Variants in MAGEL2 observed in about 807,000 individuals in gnomAD.
MAGEL2 encodes the protein MAGE-like protein 2.
For missense variants in MAGEL2, 1,830 were observed against 1,699.2 expected (o/e 1.08, Z -1.35); for synonymous variants, 792 against 721.7 (o/e 1.10, Z -1.56).
rs1170740875 is a variant in MAGEL2 at position 23,647,520 on chromosome 15, G to GGGC, written c.220_222dup (p.Ala74dup). The GGGC allele has an allele frequency of 5.2e-6, 8 of 1,531,312 alleles. No individual in the cohort carries two copies. The highest frequency in any genetic ancestry group is 7.0e-6 in the Non-Finnish European group (8 of 1,144,784). 94.9% of individuals were successfully genotyped at this position (1,531,312 alleles called of 1,614,324 possible). A position where few individuals can be genotyped will look rare whatever the true frequency, so the allele number is the denominator to read the frequency against. ...GGAGGCTGGGTCATCGGAACCACCGGGGCGGGCAGCTGGCCCTGTGGGGCC... is the reference window on the plus strand; with the variant it reads ...GGAGGCTGGGTCATCGGAACCACCGGGGCGGCGGGCAGCTGGCCCTGTGGGGCC... On this transcript the variant is annotated inframe_insertion, in exon 1 of 1. Coordinates refer to ENST00000650528, the MANE Select transcript of MAGEL2 (RefSeq NM_019066.5).
chr15:23,646,212 G>T lies in MAGEL2; in HGVS notation c.1531C>A (p.Pro511Thr). ...GGTGGCAGGGCCTGCCAGAGCGGTG[G>T]CTGGGTGGCCAGGACCTGTGGGGCA... The part of the protein sequence containing the change: ...RPAPQVLATQ[P>T]PLWQALPPPP... Residue 511 changes from proline (P) to threonine (T), a missense_variant, in exon 1 of 1, where the codon CCA becomes ACA. Pro to Thr is a conservative substitution (Grantham distance 38). Coordinates refer to ENST00000650528, the MANE Select transcript of MAGEL2 (RefSeq NM_019066.5). The surrounding 1 kb of genome is among the most constrained non-coding windows in gnomAD (Gnocchi z 4.2). 1 of 1,342,068 alleles carries T rather than the reference G, an allele frequency of 7.5e-7. No homozygotes were observed. The highest frequency in any genetic ancestry group is 3.1e-5 in the East Asian group (1 of 32,268). The allele number at this position is 1,342,068 out of a possible 1,614,324, so 83.1% of individuals were successfully genotyped here.
In MAGEL2 at chr15:23,644,754, C is replaced by A. The variant is rs558186319; in HGVS notation, c.2989G>T (p.Ala997Ser). ...SSLPVVVSEVASVSPGSSATQ... is the reference protein window; with the variant it reads ...SSLPVVVSEVSSVSPGSSATQ... The stretch of plus-strand genomic sequence containing the variant: ...GCACTGGATCCCGGAGAGACACTTG[C>A]GACCTCAGACACAACTACGGGCAGA... The change falls in exon 1 of 1, where the codon GCA (alanine) becomes TCA (serine). Residue 997 changes from alanine to serine, a missense_variant. Coordinates refer to ENST00000650528, the MANE Select transcript of MAGEL2 (RefSeq NM_019066.5). 1 of 1,613,646 alleles carries A rather than the reference C, an allele frequency of 6.2e-7. No individual in the cohort carries two copies. The highest frequency in any genetic ancestry group is 8.5e-7 in the Non-Finnish European group (1 of 1,179,880).
At position 23,645,444 on chromosome 15, in the gene MAGEL2, C is replaced by T. The variant is rs1890375001; in HGVS notation, c.2299G>A (p.Ala767Thr). 3 of 1,613,826 alleles carry T rather than the reference C, an allele frequency of 1.9e-6. No homozygotes were observed. Among genetic ancestry groups the T allele is most frequent in the Admixed American group, 3.3e-5 (2 of 60,014 alleles). The change falls in exon 1 of 1, where the codon GCA becomes ACA. Residue 767 changes from alanine to threonine, a missense_variant. Ala to Thr is a moderately conservative substitution (Grantham distance 58). Transcript: ENST00000650528. ...CAPKAVSAAR[A>T]HLPAAWKNLP... ...TTTTTCCAGGCAGCTGGCAGGTGTG[C>T]TCGCGCAGCTGACACTGCCTTGGGA...
chr15:23,646,372 C>G lies in MAGEL2; in HGVS notation c.1371G>C (p.Val457=). 7.3e-7 allele frequency: 1 copy of G among 1,377,196 alleles called. No individual in the cohort carries two copies. The highest frequency in any genetic ancestry group is 9.3e-7 in the Non-Finnish European group (1 of 1,076,828). 85.3% of individuals were successfully genotyped at this position (1,377,196 alleles called of 1,614,324 possible). ...GGATCACAGCGGGGGCCTGGCGGAT[C>G]ACGGGTGGGGCCTGGCGGATCACGG... ...APPVIRQAPP[V]IRQAPAVIRQ... is the part of the protein sequence containing the mutation. Residue 457 remains valine, a synonymous_variant, in exon 1 of 1, where the codon GTG becomes GTC. Transcript: ENST00000650528. The surrounding 1 kb of genome is among the most constrained non-coding windows in gnomAD (Gnocchi z 4.2).
chr15:23,646,542 C>A lies in MAGEL2; in HGVS notation c.1201G>T (p.Val401Phe). The change falls in exon 1 of 1, where the codon GTT becomes TTT. Residue 401 changes from valine to phenylalanine, a missense_variant. Physicochemically the swap from Val to Phe is conservative, Grantham distance 50. Transcript: ENST00000650528. The surrounding 1 kb of genome is among the most constrained non-coding windows in gnomAD (Gnocchi z 4.2). ...ATGGGCGGCGGCACCTGCCAGGTAACGGCTGGTGCCTGCCAGGTGACCTGC... is the reference window on the plus strand; with the variant it reads ...ATGGGCGGCGGCACCTGCCAGGTAAAGGCTGGTGCCTGCCAGGTGACCTGC... ...TTQVTWQAPA[V>F]TWQVPPPMRQ... The A allele has an allele frequency of 2.0e-6, 3 of 1,474,490 alleles. No homozygotes were observed. The highest frequency in any genetic ancestry group is 1.8e-6 in the Non-Finnish European group (2 of 1,119,140). The allele number at this position is 1,474,490 out of a possible 1,614,324, so 91.3% of individuals were successfully genotyped here.
rs1046921772 is a variant in MAGEL2 at position 23,647,450 on chromosome 15, G to A, written c.293C>T (p.Pro98Leu). Residue 98 changes from proline (P) to leucine (L), a missense_variant, in exon 1 of 1, where the codon CCG becomes CTG. Pro to Leu is a moderately conservative substitution (Grantham distance 98). Transcript: ENST00000650528. Reference protein sequence around the residue: ...PIVPAPPLGGPMGKPPTPGVL... With the variant: ...PIVPAPPLGGLMGKPPTPGVL... ...CCCGGGAGTCGGAGGCTTACCCATC[G>A]GGCCCCCCAGCGGGGGAGCCGGGAC... The A allele has an allele frequency of 1.3e-6, 2 of 1,535,154 alleles. No homozygotes were observed. Among genetic ancestry groups the A allele is most frequent in the Non-Finnish European group, 8.7e-7 (1 of 1,146,430 alleles).
At position 23,645,227 on chromosome 15, in the gene MAGEL2, T is replaced by C; in HGVS notation, c.2516A>G (p.Gln839Arg). The change falls in exon 1 of 1, where the codon CAG becomes CGG. Residue 839 changes from glutamine to arginine, a missense_variant. By Grantham distance (43) the Gln-to-Arg change is conservative (BLOSUM62 1). Coordinates refer to ENST00000650528, the MANE Select transcript of MAGEL2 (RefSeq NM_019066.5). Reference protein sequence around the residue: ...EALPAVPWVPQPNMNASKASQ... With the variant: ...EALPAVPWVPRPNMNASKASQ... ...TGCCTTTGAGGCATTCATATTGGGCTGTGGGACCCATGGAACTGCAGGCAG... is the reference window on the plus strand; with the variant it reads ...TGCCTTTGAGGCATTCATATTGGGCCGTGGGACCCATGGAACTGCAGGCAG... 6.2e-7 allele frequency: 1 copy of C among 1,613,916 alleles called. No homozygotes were observed. The highest frequency in any genetic ancestry group is 8.5e-7 in the Non-Finnish European group (1 of 1,179,896).
rs1250752332 is a variant in MAGEL2, at chr15:23,647,705, G to GGT, written c.37_38insAC (p.Pro13HisfsTer18). ...AGGCGGCTTCGGGGCCTCCGCCGGAGGACTCGAGTCACCCAGATTCTTACT... is the reference window on the plus strand; with the variant it reads ...AGGCGGCTTCGGGGCCTCCGCCGGAGGTGACTCGAGTCACCCAGATTCTTACT... On this transcript the variant is annotated frameshift_variant, in exon 1 of 1. Coordinates refer to ENST00000650528, the MANE Select transcript of MAGEL2 (RefSeq NM_019066.5). LOFTEE classifies it low-confidence loss of function (END_TRUNC). 2 of 1,484,088 alleles carry GGT rather than the reference G, an allele frequency of 1.3e-6. No individual in the cohort carries two copies. Among genetic ancestry groups the GGT allele is most frequent in the Non-Finnish European group, 1.8e-6 (2 of 1,124,226 alleles). 91.9% of individuals were successfully genotyped at this position (1,484,088 alleles called of 1,614,324 possible). A position where few individuals can be genotyped will look rare whatever the true frequency, so the allele number is the denominator to read the frequency against.
chr15:23,647,698 C>A lies in MAGEL2; in HGVS notation c.45G>T (p.Ala15=). The A allele has an allele frequency of 6.7e-7, 1 of 1,489,952 alleles. No individual in the cohort carries two copies. The highest frequency in any genetic ancestry group is 8.9e-7 in the Non-Finnish European group (1 of 1,126,870). The allele number at this position is 1,489,952 out of a possible 1,614,324, so 92.3% of individuals were successfully genotyped here. A position where few individuals can be genotyped will look rare whatever the true frequency, so the allele number is the denominator to read the frequency against. ...TATAGACAGGCGGCTTCGGGGCCTC[C>A]GCCGGAGGACTCGAGTCACCCAGAT... ...SKNLGDSSPP[A]EAPKPPVYSR... The change falls in exon 1 of 1, where the codon GCG becomes GCT. Residue 15 remains alanine (A), a synonymous_variant. Transcript: ENST00000650528.
In MAGEL2 at chr15:23,644,270, G is replaced by T. The variant is rs903212062; in HGVS notation, c.3473C>A (p.Thr1158Asn). 33 of 1,613,542 alleles carry T rather than the reference G, an allele frequency of 2.0e-5. No individual in the cohort carries two copies. Among genetic ancestry groups the T allele is most frequent in the Non-Finnish European group, 2.7e-5 (32 of 1,179,886 alleles). Residue 1158 changes from threonine to asparagine, a missense_variant, in exon 1 of 1, where the codon ACC (threonine) becomes AAC (asparagine). Thr to Asn is a moderately conservative substitution (Grantham distance 65). Coordinates refer to ENST00000650528, the MANE Select transcript of MAGEL2 (RefSeq NM_019066.5). ...GLFGNTKKLI[T>N]EVFVRQKYLE... The stretch of plus-strand genomic sequence containing the variant: ...GTACTTCTGCCTGACAAACACTTCG[G>T]TGATGAGCTTCTTAGTATTTCCAAA...
rs761204158 is a variant in MAGEL2 at position 23,645,938 on chromosome 15, G to T, written c.1805C>A (p.Thr602Lys). ...CTGCACCTCCTGGAATTCCATTGACGTTGGAATCTCGTGTGGCACCGGGGG... is the reference window on the plus strand; with the variant it reads ...CTGCACCTCCTGGAATTCCATTGACTTTGGAATCTCGTGTGGCACCGGGGG... Reference protein sequence around the residue: ...GQPPVPHEIPTSMEFQEVQQT... With the variant: ...GQPPVPHEIPKSMEFQEVQQT... The change falls in exon 1 of 1, where the codon ACG becomes AAG. Residue 602 changes from threonine (T) to lysine (K), a missense_variant. Coordinates refer to ENST00000650528, the MANE Select transcript of MAGEL2 (RefSeq NM_019066.5). 6.4e-7 allele frequency: 1 copy of T among 1,570,260 alleles called. No homozygotes were observed. Among genetic ancestry groups the T allele is most frequent in the Admixed American group, 1.9e-5 (1 of 53,614 alleles).
rs1025538343 is a variant in MAGEL2 at position 23,647,069 on chromosome 15, G to A, written c.674C>T (p.Pro225Leu). Residue 225 changes from proline (P) to leucine (L), a missense_variant, in exon 1 of 1, where the codon CCG (proline) becomes CTG (leucine). Physicochemically the swap from Pro to Leu is moderately conservative, Grantham distance 98 (BLOSUM62 -3). Coordinates refer to ENST00000650528, the MANE Select transcript of MAGEL2 (RefSeq NM_019066.5). ...TGGAGGCTGGGCCATCGGTGTACCC[G>A]GAGGGGGAGGATGAGCCATCGGTGT... is the stretch of plus-strand genomic sequence containing the variant. Reference protein sequence around the residue: ...PGTPMAHPPPPGTPMAQPPAP... With the variant: ...PGTPMAHPPPLGTPMAQPPAP... 6.5e-7 allele frequency: 1 copy of A among 1,535,552 alleles called. No individual in the cohort carries two copies. The highest frequency in any genetic ancestry group is 8.7e-7 in the Non-Finnish European group (1 of 1,146,172).
At position 23,647,471 on chromosome 15, in the gene MAGEL2, G is replaced by T; in HGVS notation, c.272C>A (p.Pro91Gln). Residue 91 changes from proline to glutamine, a missense_variant, in exon 1 of 1, where the codon CCG (proline) becomes CAG (glutamine). Transcript: ENST00000650528. ...CATCGGGCCCCCCAGCGGGGGAGCC[G>T]GGACTATCGGGCCCCCTAGGGCAGG... ...QPPALGGPIV[P>Q]APPLGGPMGK... 1 of 1,533,562 alleles carries T rather than the reference G, an allele frequency of 6.5e-7. No homozygotes were observed. The highest frequency in any genetic ancestry group is 8.7e-7 in the Non-Finnish European group (1 of 1,145,754). 95.0% of individuals were successfully genotyped at this position (1,533,562 alleles called of 1,614,324 possible). A position where few individuals can be genotyped will look rare whatever the true frequency, so the allele number is the denominator to read the frequency against.
At position 23,645,801 on chromosome 15, in the gene MAGEL2, G is replaced by A. The variant is rs866333931; in HGVS notation, c.1942C>T (p.Pro648Ser). 9 of 1,590,070 alleles carry A rather than the reference G, an allele frequency of 5.7e-6. No individual in the cohort carries two copies. The Admixed American group carries it at 8.9e-5, about 16-fold the overall frequency. ...TGGGAGGGCGGGGCTCCCTGAAAGG[G>A]CTGCTCCAGCTGGACCAAGGGGGGA... Reference protein sequence around the residue: ...QAPPLVQLEQPFQGAPPSQKA... With the variant: ...QAPPLVQLEQSFQGAPPSQKA... The change falls in exon 1 of 1, where the codon CCC becomes TCC. Residue 648 changes from proline to serine, a missense_variant. By Grantham distance (74) the Pro-to-Ser change is moderately conservative (BLOSUM62 -1). Coordinates refer to ENST00000650528, the MANE Select transcript of MAGEL2 (RefSeq NM_019066.5).
rs1890407893 is a variant in MAGEL2 at position 23,646,469 on chromosome 15, G to A, written c.1274C>T (p.Pro425Leu). 1 of 1,438,580 alleles carries A rather than the reference G, an allele frequency of 7.0e-7. No homozygotes were observed. Among genetic ancestry groups the A allele is most frequent in the African/African-American group, 1.4e-5 (1 of 68,968 alleles). The allele number at this position is 1,438,580 out of a possible 1,614,324, so 89.1% of individuals were successfully genotyped here. Reference sequence around the variant, plus strand: ...GGCCTGTCGCACCGGTGGTGGGCCAGGGCGGATGGGTGGTGGGCCAGGGCG... The same window carrying A: ...GGCCTGTCGCACCGGTGGTGGGCCAAGGCGGATGGGTGGTGGGCCAGGGCG... Reference protein sequence around the residue: ...PIRPGPPPIRPGPPPVRQAPP... With the variant: ...PIRPGPPPIRLGPPPVRQAPP... Residue 425 changes from proline to leucine, a missense_variant, in exon 1 of 1, where the codon CCT becomes CTT. By Grantham distance (98) the Pro-to-Leu change is moderately conservative. Transcript: ENST00000650528. The surrounding 1 kb of genome is among the most constrained non-coding windows in gnomAD (Gnocchi z 4.2).
rs1409658438 is a variant in MAGEL2 at position 23,647,062 on chromosome 15, T to G, written c.681A>C (p.Thr227=). Residue 227 remains threonine, a synonymous_variant, in exon 1 of 1, where the codon ACA becomes ACC. Transcript: ENST00000650528. ...CCGGAGCTGGAGGCTGGGCCATCGG[T>G]GTACCCGGAGGGGGAGGATGAGCCA... The part of the protein sequence containing the change: ...TPMAHPPPPG[T]PMAQPPAPGV... The G allele has an allele frequency of 1.3e-6, 2 of 1,522,598 alleles. No homozygotes were observed. Among genetic ancestry groups the G allele is most frequent in the Non-Finnish European group, 8.8e-7 (1 of 1,141,482 alleles). The allele number at this position is 1,522,598 out of a possible 1,614,324, so 94.3% of individuals were successfully genotyped here.
Position 23,645,718 on chromosome 15 carries a change from C to T in MAGEL2, c.2025G>A (p.Ala675=), listed in dbSNP as rs1180033347. ...GCTGGAGCGGCAGTGTGGGCACCTCCGCTTGCGGACCCGATGCCTGGGCCT... is the reference window on the plus strand; with the variant it reads ...GCTGGAGCGGCAGTGTGGGCACCTCTGCTTGCGGACCCGATGCCTGGGCCT... ...PQQAQASGPQ[A]EVPTLPLQPS... Residue 675 remains alanine, a synonymous_variant, in exon 1 of 1, where the codon GCG becomes GCA. Coordinates refer to ENST00000650528, the MANE Select transcript of MAGEL2 (RefSeq NM_019066.5). The T allele has an allele frequency of 3.8e-6, 6 of 1,561,328 alleles. No individual in the cohort carries two copies. The East Asian group carries it at 6.8e-5, about 18-fold the overall frequency.
In MAGEL2 at chr15:23,643,814, C is replaced by T. The variant is rs867874000; in HGVS notation, c.*179G>A. Reference sequence around the variant, plus strand: ...CCAAAATACAGAACAGAACAGTAGCCGATTGAAATCAACACCACATAAAAA... The same window carrying T: ...CCAAAATACAGAACAGAACAGTAGCTGATTGAAATCAACACCACATAAAAA... On this transcript the variant is annotated 3_prime_UTR_variant, in exon 1 of 1. Transcript: ENST00000650528. 19 of 606,546 alleles carry T rather than the reference C, an allele frequency of 3.1e-5. No homozygotes were observed. Among genetic ancestry groups the T allele is most frequent in the South Asian group, 1.2e-4 (4 of 32,152 alleles). The allele number at this position is 606,546 out of a possible 1,614,324, so 37.6% of individuals were successfully genotyped here.
In MAGEL2 at chr15:23,643,897, G is replaced by C; in HGVS notation, c.*96C>G. Reference sequence around the variant, plus strand: ...TTGAAAATCCAAACGTACACTCGTGGAACTGGAACACAAACACCAGGAACA... The same window carrying C: ...TTGAAAATCCAAACGTACACTCGTGCAACTGGAACACAAACACCAGGAACA... On this transcript the variant is annotated 3_prime_UTR_variant, in exon 1 of 1. Transcript: ENST00000650528. 7.4e-7 allele frequency: 1 copy of C among 1,345,070 alleles called. No individual in the cohort carries two copies. The allele number at this position is 1,345,070 out of a possible 1,614,324, so 83.3% of individuals were successfully genotyped here. A position where few individuals can be genotyped will look rare whatever the true frequency, so the allele number is the denominator to read the frequency against.
Sources: gnomAD v4.1 joint callset for allele counts on GRCh38, gnomAD v4.1.1 for gene constraint, Gnocchi (gnomAD v3.1) non-coding constraint, MANE v1.5 for transcripts, NCBI Gene and HGNC (gene_info 2026-07-23, HGNC 2026-07-21) for gene names.